The following PCDH15 variants were observed in gnomAD, a reference collection of about 807,000 sequenced individuals.
The protein encoded by PCDH15 is protocadherin-15.
Under a neutral mutation model 178.5 loss-of-function variants are expected in PCDH15, and 129 were observed. The observed-to-expected ratio is 0.72, with a 90% CI of 0.63 to 0.84. The LOEUF is 0.84. Ranked by LOEUF, PCDH15 falls within the 40% of genes least tolerant of loss-of-function variation. The probability of loss-of-function intolerance (pLI) is 0.00; values close to 1 mark genes in which losing one functional copy is unlikely to be tolerated. For missense variants in PCDH15, 2,230 were observed against 2,099.9 expected, an observed-to-expected ratio of 1.06 and a Z score of -1.21; for synonymous variants, 800 against 732.0, an observed-to-expected ratio of 1.09 and a Z score of -1.50.
At chr10:54,189,915 ATGCATGTGTATGTGTGTG>A (rs1173322616) in intron 11 of PCDH15, among the ~76,000 whole-genome samples, 1 of 108,212 alleles carries the variant, frequency 9.2e-6, no homozygotes, top group African/African-American at 3.8e-5. Context: ...ATATGTATAC[ATGCATGTGTATGTGTGTG>A]TGTGTGTGTG....
chr10:54,980,781 A>G (rs1839213687), intron 2 of PCDH15, among the ~76,000 whole-genome samples: 1 of 152,058 alleles, frequency 6.6e-6, no homozygotes, highest in Non-Finnish European at 1.5e-5. Flanking sequence ...TTTTTCTATT[A>G]GGTAATTTAA....
At chr10:55,333,287 A>G (rs540905142) in intron 2 of PCDH15, among the ~76,000 whole-genome samples, 38 of 152,296 alleles carry the variant, frequency 2.5e-4, no homozygotes, top group Non-Finnish European at 4.6e-4. Context: ...TTAATACTTT[A>G]CAGATTTAGG....
intron 15 of PCDH15, among the ~76,000 whole-genome samples, chr10:54,112,785 A>G (rs150700314): frequency 6.6e-6 from 1 of 152,322 alleles, no homozygotes; most frequent in Non-Finnish European, 1.5e-5. Context: ...AAATAATAAT[A>G]TATTTAAAGC....
At chr10:54,938,246 A>C (rs1219012473) in intron 2 of PCDH15, among the ~76,000 whole-genome samples, 1 of 150,078 alleles carries the variant, frequency 6.7e-6, no homozygotes, top group African/African-American at 2.4e-5. Context: ...TATATTCATT[A>C]AAGATATTAC....
chr10:55,044,783 C>T (rs1840956300), intron 2 of PCDH15, among the ~76,000 whole-genome samples: 1 of 151,972 alleles, frequency 6.6e-6, no homozygotes, highest in South Asian at 2.1e-4. Flanking sequence ...TAAACAAATG[C>T]TTATTGAAGG....
At chr10:55,007,447 G>A (rs1242536674) in intron 2 of PCDH15, among the ~76,000 whole-genome samples, 2 of 133,018 alleles carry the variant, frequency 1.5e-5, no homozygotes, top group East Asian at 3.2e-4. Flanking sequence ...CTAAGGTAAT[G>A]TAATACGCAG....
chr10:55,422,895 G>T (rs1015446308), intron 2 of PCDH15, among the ~76,000 whole-genome samples: 10 of 151,862 alleles, frequency 6.6e-5, no homozygotes, highest in African/African-American at 1.9e-4. Flanking sequence ...TCATAATTTT[G>T]CCTATCACTA....
intron 2 of PCDH15, among the ~76,000 whole-genome samples, chr10:55,538,542 CTTCCTTCCTTCCTCCT>C (rs1157449357): frequency 7.4e-6 from 1 of 134,870 alleles, no homozygotes; most frequent in African/African-American, 2.8e-5. Flanking sequence ...TCCTCCTTTC[CTTCCTTCCTTCCTCCT>C]TTCCTTCCTT....
At chr10:55,409,540 G>T (rs534163604) in intron 2 of PCDH15, among the ~76,000 whole-genome samples, 14 of 151,820 alleles carry the variant, frequency 9.2e-5, no homozygotes, top group Non-Finnish European at 1.9e-4. Flanking sequence ...TATTCAACAC[G>T]CCAGCCAAAA....
intron 2 of PCDH15, among the ~76,000 whole-genome samples, chr10:55,410,294 G>A (rs1330507677): frequency 6.6e-6 from 1 of 152,074 alleles, no homozygotes; most frequent in Non-Finnish European, 1.5e-5. Flanking sequence ...AAGGAGGCCA[G>A]CTGGAATAGG....
intron 3 of PCDH15, among the ~76,000 whole-genome samples, chr10:54,492,093 C>T (rs561013136): frequency 1.3e-5 from 2 of 152,256 alleles, no homozygotes; most frequent in East Asian, 3.9e-4. Flanking sequence ...GCAATAACAG[C>T]AAAATTGTAA....
intron 21 of PCDH15, among the ~76,000 whole-genome samples, chr10:53,974,056 C>T (rs959915194): frequency 1.3e-5 from 2 of 152,198 alleles, no homozygotes; most frequent in South Asian, 2.1e-4. Context: ...TTCACTCTGT[C>T]GTCCGGGCTG....
intron 2 of PCDH15, among the ~76,000 whole-genome samples, chr10:55,099,057 G>GTGA (rs916489568): frequency 1.7e-4 from 26 of 151,976 alleles, no homozygotes; most frequent in Non-Finnish European, 3.2e-4. Context: ...ACCCCAGACA[G>GTGA]TGATGCTGAT....
At chr10:54,594,958 G>T (rs2092130245) in intron 2 of PCDH15, among the ~76,000 whole-genome samples, 1 of 152,128 alleles carries the variant, frequency 6.6e-6, no homozygotes, top group Non-Finnish European at 1.5e-5. Flanking sequence ...CTCACAGAGG[G>T]TGCACACAGT....
rs1351776301 is a variant in PCDH15, at chr10:54,752,494, AAAAAC to A, written c.-29+48426_-29+48430del. On this transcript the variant is annotated intron_variant, in intron 1 of 37. Transcript: ENST00000644397. ...TCCGTCTCAAAAAAAAAAAAAAACA[AAAAAC>A]AAAAAACAAAAAACAAACAAACAAA... Among the ~76,000 whole-genome samples, 106 of 93,372 alleles carry A rather than the reference AAAAAC, an allele frequency of 1.1e-3. 12 individuals are homozygous for A. The highest frequency in any genetic ancestry group is 4.0e-3 in the African/African-American group (97 of 24,414). The allele number at this position is 93,372 out of a possible 152,430, so 61.3% of individuals were successfully genotyped here.
rs780727503 is a variant in PCDH15, at chr10:54,185,261, T to G, written c.1313A>C (p.Asp438Ala). Residue 438 changes from aspartate (D) to alanine (A), a missense_variant, in exon 12 of 38, where the codon GAC (aspartate) becomes GCC (alanine). By Grantham distance (126) the Asp-to-Ala change is moderately radical. Coordinates refer to ENST00000644397, the MANE Select transcript of PCDH15 (RefSeq NM_001384140.1). The part of the protein sequence containing the change: ...ALDKDIEDTK[D>A]PELHLFLNDY... ...ATTCAGAAAAAGGTGAAGCTCTGGG[T>G]CTTTTGTCTTTGAAAAAAAATGACA... The G allele has an allele frequency of 1.9e-6, 3 of 1,613,520 alleles. No homozygotes were observed.
At chr10:54,913,804 A>T (rs1239098908) in intron 2 of PCDH15, among the ~76,000 whole-genome samples, 1 of 152,172 alleles carries the variant, frequency 6.6e-6, no homozygotes, top group African/African-American at 2.4e-5. Flanking sequence ...GTCAAAAAAT[A>T]TTATTTTGGA....
At chr10:55,477,583 G>A (rs1014609331) in intron 2 of PCDH15, among the ~76,000 whole-genome samples, 1 of 151,864 alleles carries the variant, frequency 6.6e-6, no homozygotes, top group Admixed American at 6.6e-5. Flanking sequence ...AATTTTGGGT[G>A]CATGGTAGAA....
intron 2 of PCDH15, among the ~76,000 whole-genome samples, chr10:55,345,984 T>C (rs1336868814): frequency 6.6e-6 from 1 of 152,092 alleles, no homozygotes; most frequent in Non-Finnish European, 1.5e-5. Context: ...GTAAGGATGG[T>C]ATATAAAATA....
Sources: allele counts gnomAD v4.1 joint callset (sites outside exome capture counted in the v4.1 genomes callset), GRCh38; gene constraint gnomAD v4.1.1; transcripts MANE v1.5; gene names NCBI Gene and HGNC (gene_info 2026-07-23, HGNC 2026-07-21).